The following EPB41L2 variants were observed in gnomAD, a reference collection of about 807,000 sequenced individuals.
EPB41L2 encodes erythrocyte membrane protein band 4.1 like 2.
Under a neutral mutation model 113.0 loss-of-function variants are expected in EPB41L2, and 43 were observed. That is an observed-to-expected ratio of 0.38 (90% CI 0.30 to 0.49). EPB41L2 has a LOEUF of 0.49. Among genes scored for constraint, EPB41L2 ranks in the 20% least tolerant of loss-of-function variants. EPB41L2 has a pLI of 0.95. For missense variants in EPB41L2, 1,147 were observed against 1,223.4 expected (o/e 0.94, Z 0.93); for synonymous variants, 442 against 436.7 (o/e 1.01, Z -0.15).
chr6:130,981,205 C>T (rs186440152), intron 1 of EPB41L2, among the ~76,000 whole-genome samples: 1 of 152,172 alleles, frequency 6.6e-6, no homozygotes, highest in Non-Finnish European at 1.5e-5. Flanking sequence ...ATTTGTAAAT[C>T]AATATCTATT....
At chr6:130,947,087 C>T (rs954468972) in intron 3 of EPB41L2, among the ~76,000 whole-genome samples, 11 of 147,372 alleles carry the variant, frequency 7.5e-5, no homozygotes, top group African/African-American at 2.8e-4. Context: ...CTAAACAGCG[C>T]CCTTGACTTT....
intron 8 of EPB41L2, among the ~76,000 whole-genome samples, chr6:130,897,755 T>C (rs933497154): frequency 2.6e-5 from 4 of 152,200 alleles, no homozygotes; most frequent in African/African-American, 9.7e-5. Context: ...TAAGACAATC[T>C]GTTTCACCTC....
At chr6:131,007,861 T>C (rs1156759556) in intron 1 of EPB41L2, among the ~76,000 whole-genome samples, 2 of 152,240 alleles carry the variant, frequency 1.3e-5, no homozygotes, top group African/African-American at 4.8e-5. Flanking sequence ...CCTGGATTAT[T>C]CTGAAAGCAT....
chr6:130,851,748 G>T (rs891247258), intron 19 of EPB41L2, among the ~76,000 whole-genome samples: 1 of 152,158 alleles, frequency 6.6e-6, no homozygotes, highest in African/African-American at 2.4e-5. Flanking sequence ...ATGCTCATTT[G>T]GTTTTTCTGC....
chr6:131,052,933 T>C (rs1796854782), intron 1 of EPB41L2, among the ~76,000 whole-genome samples: 1 of 152,108 alleles, frequency 6.6e-6, no homozygotes, highest in African/African-American at 2.4e-5. Flanking sequence ...TTCGCTCTTG[T>C]TGCCCAGGCT....
At chr6:130,994,678 T>C (rs1481851374) in intron 1 of EPB41L2, among the ~76,000 whole-genome samples, 1 of 152,206 alleles carries the variant, frequency 6.6e-6, no homozygotes, top group African/African-American at 2.4e-5. Flanking sequence ...CATGTTTATA[T>C]ATTATACTTA....
At chr6:130,912,499 A>G (rs914607994) in intron 4 of EPB41L2, among the ~76,000 whole-genome samples, 1 of 152,156 alleles carries the variant, frequency 6.6e-6, no homozygotes, top group Admixed American at 6.5e-5. Context: ...CTGTTCTAAC[A>G]CTGGTTATAT....
chr6:130,936,259 C>CA (rs1347049385), intron 3 of EPB41L2, among the ~76,000 whole-genome samples: 1 of 152,074 alleles, frequency 6.6e-6, no homozygotes, highest in Non-Finnish European at 1.5e-5. Flanking sequence ...TTCTTATCTG[C>CA]AAAAAACAAA....
intron 1 of EPB41L2, among the ~76,000 whole-genome samples, chr6:131,060,396 A>G (rs1468647679): frequency 6.6e-6 from 1 of 152,206 alleles, no homozygotes; most frequent in Non-Finnish European, 1.5e-5. Flanking sequence ...ACCAATAAAT[A>G]TTTTGGTTGT....
intron 1 of EPB41L2, among the ~76,000 whole-genome samples, chr6:131,056,081 T>C (rs962133811): frequency 6.6e-6 from 1 of 152,210 alleles, no homozygotes; most frequent in African/African-American, 2.4e-5. Flanking sequence ...AAAATAAGGA[T>C]ATTTATATGA....
chr6:131,061,985 GA>G (rs1254728550), intron 1 of EPB41L2, among the ~76,000 whole-genome samples: 1 of 152,078 alleles, frequency 6.6e-6, no homozygotes, highest in East Asian at 1.9e-4. Context: ...ATGTGATTCA[GA>G]AAAGCGAAAA....
chr6:130,957,188 T>C (rs2128624695), intron 1 of EPB41L2, among the ~76,000 whole-genome samples: 1 of 152,322 alleles, frequency 6.6e-6, no homozygotes, highest in East Asian at 1.9e-4. Context: ...CACACTTTTC[T>C]TTCTATATAT....
chr6:130,905,088 C>A (rs1187903177), intron 5 of EPB41L2, among the ~76,000 whole-genome samples: 2 of 152,084 alleles, frequency 1.3e-5, no homozygotes, highest in African/African-American at 4.8e-5. Context: ...TAGGACAATA[C>A]AATTATTTCC....
intron 16 of EPB41L2, among the ~76,000 whole-genome samples, chr6:130,867,195 C>A (rs927133681): frequency 2.0e-5 from 3 of 152,138 alleles, no homozygotes; most frequent in African/African-American, 7.2e-5. Flanking sequence ...GGCTTTCAAT[C>A]ATATGAACAA....
At chr6:130,856,784 A>C (rs1380987612) in intron 19 of EPB41L2, among the ~76,000 whole-genome samples, 1 of 152,204 alleles carries the variant, frequency 6.6e-6, no homozygotes, top group Non-Finnish European at 1.5e-5. Context: ...AAGCCCTAAT[A>C]GATAATTATA....
At chr6:131,016,477 A>AACACACACAC (rs10584309) in intron 1 of EPB41L2, among the ~76,000 whole-genome samples, 1,637 of 143,476 alleles carry the variant, frequency 0.011, 16 homozygotes, top group Admixed American at 0.019. Flanking sequence ...TTAATAAGGA[A>AACACACACAC]ACACACACAC....
Position 130,863,725 on chromosome 6 carries a change from G to T in EPB41L2, c.2830-7C>A. 1 of 1,607,274 alleles carries T rather than the reference G, an allele frequency of 6.2e-7. No individual in the cohort carries two copies. The highest frequency in any genetic ancestry group is 8.5e-7 in the Non-Finnish European group (1 of 1,174,278). On this transcript the variant is annotated splice_polypyrimidine_tract_variant and splice_region_variant and intron_variant, in intron 17 of 19. Coordinates refer to ENST00000337057, the MANE Select transcript of EPB41L2 (RefSeq NM_001431.4). ...AAATTCCACCTTTTACAGTCTAAAG[G>T]TCATAAAGGAGAAGAAGAAAAAACA... is the stretch of plus-strand genomic sequence containing the variant.
chr6:130,847,028 A>G (rs1242852112), intron 19 of EPB41L2, among the ~76,000 whole-genome samples: 1 of 152,176 alleles, frequency 6.6e-6, no homozygotes, highest in Non-Finnish European at 1.5e-5. Flanking sequence ...AATCATACAC[A>G]CTACTGATAA....
intron 19 of EPB41L2, among the ~76,000 whole-genome samples, chr6:130,854,542 T>A (rs1421473999): frequency 2.0e-5 from 3 of 152,160 alleles, no homozygotes; most frequent in Admixed American, 1.3e-4. Context: ...AATGAATTCA[T>A]TTAAAAACTT....
Sources: allele counts gnomAD v4.1 joint callset (sites outside exome capture counted in the v4.1 genomes callset), GRCh38; gene constraint gnomAD v4.1.1; transcripts MANE v1.5; gene names NCBI Gene and HGNC (gene_info 2026-07-23, HGNC 2026-07-21).